Variants in FHIT observed in about 807,000 individuals in gnomAD.
FHIT encodes bis(5'-adenosyl)-triphosphatase.
FHIT carries 19 observed loss-of-function variants against 17.9 expected under a neutral mutation model. That is an observed-to-expected ratio of 1.06 (90% CI 0.74 to 1.56). The LOEUF is 1.56. Among genes scored for constraint, FHIT ranks in the 40% most tolerant of loss-of-function variants. The probability of loss-of-function intolerance (pLI) is 0.00; values close to 1 mark genes in which losing one functional copy is unlikely to be tolerated. For missense variants in FHIT, 248 were observed against 189.2 expected, an observed-to-expected ratio of 1.31 and a Z score of -1.82; for synonymous variants, 81 against 69.7, an observed-to-expected ratio of 1.16 and a Z score of -0.81.
chr3:60,462,230 C>T (rs1032674628), intron 5 of FHIT, among the ~76,000 whole-genome samples: 2 of 152,160 alleles, frequency 1.3e-5, no homozygotes, highest in African/African-American at 2.4e-5. Context: ...CATCAGCTGC[C>T]GTTCTAATAT....
chr3:60,580,239 T>C (rs1463281611), intron 4 of FHIT, among the ~76,000 whole-genome samples: 1 of 152,128 alleles, frequency 6.6e-6, no homozygotes, highest in African/African-American at 2.4e-5. Flanking sequence ...TTTTGTGGAA[T>C]GTTGTCTAAT....
intron 5 of FHIT, among the ~76,000 whole-genome samples, chr3:60,384,035 C>A (rs142539807): frequency 5.9e-5 from 9 of 151,886 alleles, no homozygotes; most frequent in Non-Finnish European, 1.5e-5. Context: ...TTTGGGAGGC[C>A]GAGGTGGGTG....
chr3:60,291,421 A>G (rs1707978298), intron 5 of FHIT, among the ~76,000 whole-genome samples: 1 of 152,210 alleles, frequency 6.6e-6, no homozygotes, highest in East Asian at 1.9e-4. Flanking sequence ...GAGCTGTGCC[A>G]TGTTGCCCGT....
chr3:60,316,795 A>C (rs192620809), intron 5 of FHIT, among the ~76,000 whole-genome samples: 40 of 152,334 alleles, frequency 2.6e-4, no homozygotes, highest in Admixed American at 7.8e-4. Context: ...AAAGACTTTA[A>C]GGAATTTCTT....
intron 2 of FHIT, among the ~76,000 whole-genome samples, chr3:61,110,199 T>C (rs577073238): frequency 1.3e-5 from 2 of 152,274 alleles, no homozygotes; most frequent in East Asian, 3.9e-4. Flanking sequence ...AGGCCGCTTT[T>C]CTCTTGCCCT....
intron 8 of FHIT, among the ~76,000 whole-genome samples, chr3:59,846,993 G>C (rs570477946): frequency 6.6e-6 from 1 of 152,060 alleles, no homozygotes; most frequent in African/African-American, 2.4e-5. Context: ...CTCTTCTGCT[G>C]CTTTCAAAAT....
intron 8 of FHIT, among the ~76,000 whole-genome samples, chr3:59,807,765 T>G (rs1315516760): frequency 6.6e-6 from 1 of 151,924 alleles, no homozygotes; most frequent in Non-Finnish European, 1.5e-5. Context: ...AGTGGAGATA[T>G]GGGGTGGGGG....
At chr3:61,210,355 C>T (rs551089290) in intron 1 of FHIT, among the ~76,000 whole-genome samples, 1 of 152,352 alleles carries the variant, frequency 6.6e-6, no homozygotes, top group African/African-American at 2.4e-5. Flanking sequence ...ACATTTAAGT[C>T]TGCAGAGGTT....
At chr3:60,141,889 C>T (rs904853706) in intron 5 of FHIT, among the ~76,000 whole-genome samples, 1 of 152,118 alleles carries the variant, frequency 6.6e-6, no homozygotes, top group African/African-American at 2.4e-5. Context: ...ATTCATTAAC[C>T]TAAATCCTTA....
At chr3:60,007,699 T>C (rs1419391694) in intron 7 of FHIT, among the ~76,000 whole-genome samples, 6 of 152,208 alleles carry the variant, frequency 3.9e-5, no homozygotes, top group Non-Finnish European at 7.3e-5. Context: ...CAACTGTGTA[T>C]TTTTACGGAC....
intron 5 of FHIT, among the ~76,000 whole-genome samples, chr3:60,298,456 C>A (rs752269310): frequency 2.0e-5 from 3 of 152,094 alleles, no homozygotes; most frequent in Non-Finnish European, 4.4e-5. Context: ...GGGGCAGAGG[C>A]CAAATATGTT....
intron 4 of FHIT, among the ~76,000 whole-genome samples, chr3:60,700,870 G>A (rs2041229556): frequency 1.3e-5 from 2 of 152,032 alleles, no homozygotes; most frequent in Admixed American, 1.3e-4. Context: ...TTCCCTCTGT[G>A]AATTGCCAAT....
intron 2 of FHIT, among the ~76,000 whole-genome samples, chr3:61,182,063 G>A (rs139440965): frequency 2.0e-5 from 3 of 152,238 alleles, no homozygotes; most frequent in Non-Finnish European, 2.9e-5. Flanking sequence ...TACTCTGAAG[G>A]GGAAATAACT....
At chr3:59,889,729 A>ATT (rs1703772068) in intron 8 of FHIT, among the ~76,000 whole-genome samples, 1 of 152,226 alleles carries the variant, frequency 6.6e-6, no homozygotes, top group African/African-American at 2.4e-5. Flanking sequence ...ATTTTTAATA[A>ATT]ATACAGTCTT....
chr3:60,375,071 T>C (rs1015112811), intron 5 of FHIT, among the ~76,000 whole-genome samples: 1 of 150,488 alleles, frequency 6.6e-6, no homozygotes, highest in Admixed American at 6.6e-5. Flanking sequence ...AAATACTTTA[T>C]GCTCTTCAAG....
intron 5 of FHIT, among the ~76,000 whole-genome samples, chr3:60,392,158 T>G (rs1189335098): frequency 4.6e-5 from 7 of 152,184 alleles, no homozygotes; most frequent in Admixed American, 4.6e-4. Context: ...CATGTCTGAG[T>G]AGGATCTAGT....
chr3:59,972,374 T>C (rs186395893), intron 7 of FHIT, among the ~76,000 whole-genome samples: 52 of 152,178 alleles, frequency 3.4e-4, no homozygotes, highest in African/African-American at 1.2e-3. Context: ...CCTGTGAAGC[T>C]TGGTTCACTA....
intron 8 of FHIT, among the ~76,000 whole-genome samples, chr3:59,881,819 C>A (rs1305713988): frequency 6.6e-6 from 1 of 152,094 alleles, no homozygotes; most frequent in African/African-American, 2.4e-5. Context: ...TGGTGTAACT[C>A]ATTAATTAAA....
chr3:60,933,372 A>G, intron 3 of FHIT, among the ~76,000 whole-genome samples: 1 of 152,246 alleles, frequency 6.6e-6, no homozygotes, highest in East Asian at 1.9e-4. Context: ...TATGCAAAAT[A>G]ATATTTAATC....
Sources: allele counts gnomAD v4.1 joint callset (sites outside exome capture counted in the v4.1 genomes callset), GRCh38; gene constraint gnomAD v4.1.1; transcripts MANE v1.5; gene names NCBI Gene and HGNC (gene_info 2026-07-23, HGNC 2026-07-21).